DYNC1H1: variants seen among roughly 807,000 people sequenced by gnomAD.
The protein encoded by DYNC1H1 is dynein cytoplasmic 1 heavy chain 1, also known as cytoplasmic dynein 1 heavy chain 1.
In DYNC1H1, 51 loss-of-function variants were observed where a neutral mutation model predicts 527.1. That is an observed-to-expected ratio of 0.10 (90% CI 0.08 to 0.12). DYNC1H1 has a LOEUF of 0.12. Ranked by LOEUF, DYNC1H1 falls within the 10% of genes least tolerant of loss-of-function variation. DYNC1H1 has a pLI of 1.00. For missense variants in DYNC1H1, 2,771 were observed against 5,971.8 expected, an observed-to-expected ratio of 0.46 and a Z score of 17.66; for synonymous variants, 2,189 against 2,278.8, an observed-to-expected ratio of 0.96 and a Z score of 1.12.
At position 102,012,102 on chromosome 14, in the gene DYNC1H1, C is replaced by T. The variant is rs770017263; in HGVS notation, c.6846C>T (p.His2282=). The T allele has an allele frequency of 2.4e-5, 39 of 1,614,208 alleles. No individual in the cohort carries two copies. The highest frequency in any genetic ancestry group is 1.7e-4 in the Admixed American group (10 of 60,032). The change falls in exon 33 of 78, where the codon CAC becomes CAT. Residue 2282 remains histidine (H), a synonymous_variant. Transcript: ENST00000360184. This position sits in a 1 kb window ranked among gnomAD's most constrained non-coding sequence, Gnocchi z 4.9. ...AATGGACAGATGGGCTCTTCACACACGTGCTGAGAAAGTACGTCTTCTTTG... is the reference window on the plus strand; with the variant it reads ...AATGGACAGATGGGCTCTTCACACATGTGCTGAGAAAGTACGTCTTCTTTG... ...TREWTDGLFT[H]VLRKIIDSVR...
Position 102,015,031 on chromosome 14 carries a change from T to C in DYNC1H1, c.7015-74T>C, listed in dbSNP as rs2048303951. The C allele has an allele frequency of 6.5e-7, 1 of 1,543,644 alleles. No individual in the cohort carries two copies. The highest frequency in any genetic ancestry group is 8.9e-7 in the Non-Finnish European group (1 of 1,117,948). On this transcript the variant is annotated intron_variant, in intron 34 of 77. Coordinates refer to ENST00000360184, the MANE Select transcript of DYNC1H1 (RefSeq NM_001376.5). This position sits in a 1 kb window ranked among gnomAD's most constrained non-coding sequence, Gnocchi z 6.9. ...TAAAGTCACCCTTTCAGTGTATATATAGGTAAAAGAATCTTAATGTCCAGG... is the reference window on the plus strand; with the variant it reads ...TAAAGTCACCCTTTCAGTGTATATACAGGTAAAAGAATCTTAATGTCCAGG...
At chr14:101,981,766 C>T (rs1179358341) in intron 5 of DYNC1H1, among the ~76,000 whole-genome samples, 2 of 152,036 alleles carry the variant, frequency 1.3e-5, no homozygotes, top group African/African-American at 4.8e-5. Flanking sequence ...TTGTTTTTTT[C>T]CTAATACTTT....
chr14:102,023,107 T>C (rs2048405848), intron 43 of DYNC1H1: 2 of 627,614 alleles, frequency 3.2e-6, no homozygotes, highest in Non-Finnish European at 5.3e-6. Context: ...TACAAAAAAA[T>C]TTGAAAATTT....
chr14:102,021,423 T>A (rs1233730576), intron 42 of DYNC1H1, among the ~76,000 whole-genome samples: 1 of 152,140 alleles, frequency 6.6e-6, no homozygotes, highest in Non-Finnish European at 1.5e-5. Flanking sequence ...AGAATTTTGT[T>A]TAAATTCAAA....
Position 102,039,556 on chromosome 14 carries a change from G to C in DYNC1H1, c.11595+10G>C, listed in dbSNP as rs2048618961. Reference sequence around the variant, plus strand: ...AAAGGACCTCTTCCAGGTAGAGTGAGGTCCTCAGCCGCTCCCTGGCGGGGG... The same window carrying C: ...AAAGGACCTCTTCCAGGTAGAGTGACGTCCTCAGCCGCTCCCTGGCGGGGG... On this transcript the variant is annotated intron_variant, in intron 61 of 77. Coordinates refer to ENST00000360184, the MANE Select transcript of DYNC1H1 (RefSeq NM_001376.5). The surrounding 1 kb of genome is among the most constrained non-coding windows in gnomAD (Gnocchi z 7.0). The C allele has an allele frequency of 2.5e-6, 4 of 1,614,110 alleles. No homozygotes were observed. Among genetic ancestry groups the C allele is most frequent in the Non-Finnish European group, 3.4e-6 (4 of 1,180,050 alleles).
At chr14:102,022,591 G>T (rs966842698) in intron 42 of DYNC1H1, among the ~76,000 whole-genome samples, 160 bp from the exon 43 acceptor site, 4 of 152,106 alleles carry the variant, frequency 2.6e-5, no homozygotes, top group Admixed American at 2.6e-4. Context: ...GCTGTCATGA[G>T]TTCAGCTTTT....
intron 10 of DYNC1H1, 122 bp from the exon 11 acceptor site, chr14:101,991,405 C>A: frequency 8.0e-7 from 1 of 1,252,516 alleles, no homozygotes; most frequent in Non-Finnish European, 1.1e-6. Context: ...GCGGAGGTTA[C>A]AGTGAGCCAA....
intron 57 of DYNC1H1, chr14:102,037,615 GAAC>G (rs1382119048): frequency 6.6e-6 from 1 of 152,166 alleles, no homozygotes; most frequent in Non-Finnish European, 1.5e-5. Context: ...ACACACAGAG[GAAC>G]AACACACACT....
rs74081907 is a variant in DYNC1H1 at position 102,046,473 on chromosome 14, G to A, written c.13007-1344G>A. 6.0e-3 allele frequency among the ~76,000 whole-genome samples: 906 copies of A among 150,906 alleles called. 14 individuals carry two copies. The highest frequency in any genetic ancestry group is 0.021 in the African/African-American group (848 of 40,772). ...AAAGCCAAAGCCAGGCGAGCTGGGC[G>A]GGTCTGGAGGGAAAGCCAGGCGAGC... On this transcript the variant is annotated intron_variant, in intron 72 of 77. Coordinates refer to ENST00000360184, the MANE Select transcript of DYNC1H1 (RefSeq NM_001376.5).
intron 18 of DYNC1H1, 90 bp from the exon 19 acceptor site, chr14:102,000,864 C>T (rs1044219154): frequency 6.5e-6 from 8 of 1,230,064 alleles, no homozygotes; most frequent in African/African-American, 4.5e-5. Context: ...TGAGCCACCG[C>T]GCCTGGCCTG....
rs1274663002 is a variant in DYNC1H1, at chr14:101,965,002, C to T, written c.256+55C>T. 20 of 1,530,796 alleles carry T rather than the reference C, an allele frequency of 1.3e-5. No homozygotes were observed. The highest frequency in any genetic ancestry group is 4.8e-5 in the East Asian group (2 of 41,886). The allele number at this position is 1,530,796 out of a possible 1,614,324, so 94.8% of individuals were successfully genotyped here. ...GAGCCAGGCCTCGCGGAATGCAGGG[C>T]CTGCCAGGTCCTCCGGGGTCGCAGA... On this transcript the variant is annotated intron_variant, in intron 1 of 77. Transcript: ENST00000360184. This position sits in a 1 kb window ranked among gnomAD's most constrained non-coding sequence, Gnocchi z 4.1.
intron 55 of DYNC1H1, 36 bp from the exon 56 acceptor site, chr14:102,034,289 G>T (rs763065636): frequency 6.2e-7 from 1 of 1,614,126 alleles, no homozygotes; most frequent in Non-Finnish European, 8.5e-7. Context: ...ATCTGTGGCT[G>T]TGAAGAGGAG....
In DYNC1H1 at chr14:102,027,034, A is replaced by G; in HGVS notation, c.8772-140A>G. ...TCTTTGCATTCCTCCTGGACTTCAC[A>G]AATAACAGTTGCTCAGCAAATGTTT... On this transcript the variant is annotated intron_variant, in intron 44 of 77. Coordinates refer to ENST00000360184, the MANE Select transcript of DYNC1H1 (RefSeq NM_001376.5). This position sits in a 1 kb window ranked among gnomAD's most constrained non-coding sequence, Gnocchi z 7.7. 1 of 1,064,714 alleles carries G rather than the reference A, an allele frequency of 9.4e-7. No homozygotes were observed. The highest frequency in any genetic ancestry group is 1.3e-5 in the South Asian group (1 of 79,152). 66.0% of individuals were successfully genotyped at this position (1,064,714 alleles called of 1,614,324 possible).
intron 9 of DYNC1H1, among the ~76,000 whole-genome samples, chr14:101,988,343 G>T (rs1000165972): frequency 7.2e-5 from 11 of 152,210 alleles, no homozygotes; most frequent in Non-Finnish European, 1.6e-4. Context: ...TAGACAAGTG[G>T]GGATGGGTAG....
Position 102,002,433 on chromosome 14 carries a change from C to T in DYNC1H1, c.4543-104C>T, listed in dbSNP as rs1217567978. On this transcript the variant is annotated intron_variant, in intron 21 of 77. Transcript: ENST00000360184. This position sits in a 1 kb window ranked among gnomAD's most constrained non-coding sequence, Gnocchi z 4.4. ...TCTACTTGTTGTTTAAAATGTGAAT[C>T]AGATTACTTCATGAGATCCTGATCT... 1.4e-6 allele frequency: 2 copies of T among 1,465,702 alleles called. No individual in the cohort carries two copies. The highest frequency in any genetic ancestry group is 1.4e-5 in the African/African-American group (1 of 71,796). The allele number at this position is 1,465,702 out of a possible 1,614,324, so 90.8% of individuals were successfully genotyped here. A position where few individuals can be genotyped will look rare whatever the true frequency, so the allele number is the denominator to read the frequency against.
rs2048270908 is a variant in DYNC1H1, at chr14:102,012,619, A to G, written c.7014+149A>G. The G allele has an allele frequency of 8.9e-7, 1 of 1,118,050 alleles. No homozygotes were observed. Among genetic ancestry groups the G allele is most frequent in the Non-Finnish European group, 1.3e-6 (1 of 753,958 alleles). The allele number at this position is 1,118,050 out of a possible 1,614,324, so 69.3% of individuals were successfully genotyped here. Reference sequence around the variant, plus strand: ...AGTAATTTTCAAAGATAGCATCTCAACTGCTAGATTTTTTTTCCATTTCCA... The same window carrying G: ...AGTAATTTTCAAAGATAGCATCTCAGCTGCTAGATTTTTTTTCCATTTCCA... On this transcript the variant is annotated intron_variant, in intron 34 of 77. Coordinates refer to ENST00000360184, the MANE Select transcript of DYNC1H1 (RefSeq NM_001376.5). The surrounding 1 kb of genome is among the most constrained non-coding windows in gnomAD (Gnocchi z 4.9).
intron 42 of DYNC1H1, among the ~76,000 whole-genome samples, chr14:102,021,035 C>G (rs1432550074): frequency 6.6e-6 from 1 of 152,010 alleles, no homozygotes; most frequent in Non-Finnish European, 1.5e-5. Context: ...TTTAAACAGT[C>G]TTTTGTTATT....
At chr14:101,994,451 T>C in intron 12 of DYNC1H1, 127 bp downstream of exon 12, 2 of 1,456,942 alleles carry the variant, frequency 1.4e-6, no homozygotes, top group East Asian at 2.3e-5. Flanking sequence ...TACTATTTGC[T>C]GTTTCAAAGC....
intron 43 of DYNC1H1, among the ~76,000 whole-genome samples, chr14:102,024,988 C>A (rs981295633): frequency 6.6e-6 from 1 of 151,768 alleles, no homozygotes; most frequent in Non-Finnish European, 1.5e-5. Context: ...ACCACTGCAC[C>A]CAGCCATTTT....
Sources: allele counts gnomAD v4.1 joint callset (sites outside exome capture counted in the v4.1 genomes callset), GRCh38; gene constraint gnomAD v4.1.1; non-coding constraint Gnocchi (gnomAD v3.1); transcripts MANE v1.5; gene names NCBI Gene and HGNC (gene_info 2026-07-23, HGNC 2026-07-21).